Variants in KIF27 observed in about 807,000 individuals in gnomAD.
KIF27 encodes kinesin family member 27.
A neutral mutation model predicts 141.8 loss-of-function variants in KIF27; 84 were observed. The observed-to-expected ratio is 0.59, with a 90% CI of 0.50 to 0.71. The LOEUF (loss-of-function observed/expected upper bound fraction) is 0.71. KIF27 is among the 30% of genes least tolerant of loss of function. The probability of loss-of-function intolerance (pLI) is 0.00; values close to 1 mark genes in which losing one functional copy is unlikely to be tolerated. For missense variants in KIF27, 1,306 were observed against 1,628.4 expected (o/e 0.80, Z 3.41); for synonymous variants, 471 against 569.5 (o/e 0.83, Z 2.46).
At position 83,915,669 on chromosome 9, in the gene KIF27, A is replaced by C; in HGVS notation, c.-78T>G. The C allele has an allele frequency of 7.4e-7, 1 of 1,344,504 alleles. No homozygotes were observed. The highest frequency in any genetic ancestry group is 1.0e-6 in the Non-Finnish European group (1 of 985,996). The allele number at this position is 1,344,504 out of a possible 1,614,324, so 83.3% of individuals were successfully genotyped here. Reference sequence around the variant, plus strand: ...GTGAGAGACTTCCATCTTATGTAAGATCTGGATTCCTGTGCAACAAAAATA... The same window carrying C: ...GTGAGAGACTTCCATCTTATGTAAGCTCTGGATTCCTGTGCAACAAAAATA... On this transcript the variant is annotated 5_prime_UTR_variant, in exon 2 of 18. Coordinates refer to ENST00000297814, the MANE Select transcript of KIF27 (RefSeq NM_017576.4).
At chr9:83,911,236 T>A (rs1257303596) in intron 2 of KIF27, among the ~76,000 whole-genome samples, 1 of 152,048 alleles carries the variant, frequency 6.6e-6, no homozygotes, top group Non-Finnish European at 1.5e-5. Context: ...CAAGCTAATT[T>A]TTTTGTTGCT....
Position 83,836,133 on chromosome 9 carries a change from G to C in KIF27, c.*868C>G, listed in dbSNP as rs984468515. On this transcript the variant is annotated 3_prime_UTR_variant, in exon 18 of 18. Transcript: ENST00000297814. ...AAGGAGGTTATAGAAAAAAATATCA[G>C]ACTTAAGCCCATCAAATCATTAAAG... Among the ~76,000 whole-genome samples the C allele has an allele frequency of 7.2e-5, 11 of 152,132 alleles. No homozygotes were observed. Among genetic ancestry groups the C allele is most frequent in the African/African-American group, 2.7e-4 (11 of 41,414 alleles).
chr9:83,839,136 G>A (rs929884877), intron 17 of KIF27, among the ~76,000 whole-genome samples: 7 of 152,042 alleles, frequency 4.6e-5, no homozygotes, highest in East Asian at 3.9e-4. Context: ...GGTAGCTCCA[G>A]CCTGGGCAAC....
chr9:83,916,733 G>A (rs2132832144), intron 1 of KIF27, among the ~76,000 whole-genome samples: 1 of 150,714 alleles, frequency 6.6e-6, no homozygotes, highest in South Asian at 2.1e-4. Flanking sequence ...GCGCGATCTG[G>A]GCTCACTGCA....
At chr9:83,904,079 A>T (rs1240191636) in intron 3 of KIF27, 61 bp from the exon 4 acceptor site, 5 of 1,338,962 alleles carry the variant, frequency 3.7e-6, no homozygotes, top group Non-Finnish European at 5.1e-6. Flanking sequence ...TATAGTTAAC[A>T]GTTACCATTT....
intron 5 of KIF27, among the ~76,000 whole-genome samples, chr9:83,897,829 C>G (rs984227264): frequency 3.3e-5 from 5 of 151,714 alleles, no homozygotes; most frequent in Non-Finnish European, 5.9e-5. Flanking sequence ...ATCCAAATAG[C>G]CAAAAACATA....
chr9:83,866,342 T>G (rs993886332), intron 13 of KIF27, among the ~76,000 whole-genome samples: 5 of 152,182 alleles, frequency 3.3e-5, no homozygotes, highest in Non-Finnish European at 7.3e-5. Context: ...TGTGTGGTGA[T>G]AGCATATATG....
chr9:83,854,630 G>T (rs1012132586), intron 14 of KIF27, among the ~76,000 whole-genome samples: 7 of 152,142 alleles, frequency 4.6e-5, no homozygotes, highest in Admixed American at 2.0e-4. Context: ...AAAAGTCTTG[G>T]GCCCAAGCGA....
chr9:83,908,155 G>A (rs1454089655), intron 3 of KIF27, among the ~76,000 whole-genome samples: 7 of 151,698 alleles, frequency 4.6e-5, no homozygotes, highest in Admixed American at 6.6e-5. Context: ...CCAGCTACTC[G>A]GGAGGCTAAG....
chr9:83,878,251 C>T (rs576839772), intron 11 of KIF27, among the ~76,000 whole-genome samples: 22 of 136,336 alleles, frequency 1.6e-4, no homozygotes, highest in Non-Finnish European at 2.9e-4. Context: ...AGGAAAGAAA[C>T]AGGTGTTGAC....
At chr9:83,895,262 GAA>G (rs541025571) in intron 5 of KIF27, among the ~76,000 whole-genome samples, 11 of 83,018 alleles carry the variant, frequency 1.3e-4, no homozygotes, top group Admixed American at 1.5e-4. Flanking sequence ...ACTCTGCCTC[GAA>G]AAAAAAAAAA....
chr9:83,858,022 C>A (rs2780156), intron 14 of KIF27, among the ~76,000 whole-genome samples: 80 of 149,436 alleles, frequency 5.4e-4, no homozygotes, highest in Middle Eastern at 3.5e-3. Context: ...TAATAGTCAC[C>A]GGCAGGCAGA....
intron 4 of KIF27, among the ~76,000 whole-genome samples, chr9:83,902,625 A>G (rs12003101): frequency 0.19 from 28,546 of 151,622 alleles, 2,139 homozygotes; most frequent in African/African-American, 0.33. Context: ...ACTACTGACC[A>G]AGAGAGGGAG....
intron 16 of KIF27, among the ~76,000 whole-genome samples, chr9:83,845,270 G>C (rs1947113385): frequency 6.6e-6 from 1 of 152,110 alleles, no homozygotes; most frequent in South Asian, 2.1e-4. Flanking sequence ...TTTGACTATG[G>C]GTCATCAAGT....
Position 83,903,785 on chromosome 9 carries a change from A to C in KIF27, c.733T>G (p.Leu245Val). Residue 245 changes from leucine to valine, a missense_variant, in exon 4 of 18, where the codon TTG becomes GTG. By Grantham distance (32) the Leu-to-Val change is conservative (BLOSUM62 1). Around this residue, in one of 4 missense-constraint regions of KIF27, gnomAD observed 533 missense variants for 565.6 expected, o/e 0.94. Transcript: ENST00000297814. ...TTGGTTACTCTTTCTGATCCTGCCA[A>C]ATCCACAAAGTGGAACTTTGAGACA... is the stretch of plus-strand genomic sequence containing the variant. ...HIVSKFHFVD[L>V]AGSERVTKTG... 1 of 1,614,208 alleles carries C rather than the reference A, an allele frequency of 6.2e-7. No homozygotes were observed. Among genetic ancestry groups the C allele is most frequent in the Non-Finnish European group, 8.5e-7 (1 of 1,180,028 alleles).
chr9:83,902,217 A>G (rs1563986184), intron 4 of KIF27, among the ~76,000 whole-genome samples: 1 of 152,202 alleles, frequency 6.6e-6, no homozygotes, highest in Non-Finnish European at 1.5e-5. Context: ...AAAAAAAAGG[A>G]AATATACTTA....
In KIF27 at chr9:83,842,214, A is replaced by G. The variant is rs1946655665; in HGVS notation, c.3721+23T>C. The G allele has an allele frequency of 2.6e-6, 4 of 1,516,226 alleles. No individual in the cohort carries two copies. The African/African-American group carries it at 4.3e-5, about 16-fold the overall frequency. 93.9% of individuals were successfully genotyped at this position (1,516,226 alleles called of 1,614,324 possible). A position where few individuals can be genotyped will look rare whatever the true frequency, so the allele number is the denominator to read the frequency against. ...CAAATGCTAGAGAAACAGTGTTAAG[A>G]GTGACAACACTAAAAGTCTTACACT... On this transcript the variant is annotated intron_variant, in intron 17 of 17. Coordinates refer to ENST00000297814, the MANE Select transcript of KIF27 (RefSeq NM_017576.4).
intron 9 of KIF27, among the ~76,000 whole-genome samples, chr9:83,886,204 T>C (rs1212381232): frequency 6.6e-6 from 1 of 152,148 alleles, no homozygotes; most frequent in East Asian, 1.9e-4. Flanking sequence ...CCTGTGGAAG[T>C]TGAGGATATT....
intron 3 of KIF27, among the ~76,000 whole-genome samples, 172 bp downstream of exon 3, chr9:83,908,280 A>T (rs1376638473): frequency 6.7e-6 from 1 of 148,970 alleles, no homozygotes; most frequent in East Asian, 2.0e-4. Flanking sequence ...AAAAAAAAAA[A>T]GAGAGAGAGA....
Sources: allele counts gnomAD v4.1 joint callset (sites outside exome capture counted in the v4.1 genomes callset), GRCh38; gene constraint gnomAD v4.1.1; regional missense constraint gnomAD v4.1.1; transcripts MANE v1.5; gene names NCBI Gene and HGNC (gene_info 2026-07-23, HGNC 2026-07-21).